Variants in PRKG1 observed in about 807,000 individuals in gnomAD.
The protein encoded by PRKG1 is protein kinase cGMP-dependent 1.
Under a neutral mutation model 88.1 loss-of-function variants are expected in PRKG1, and 35 were observed. The ratio of observed to expected loss-of-function variants is 0.40; its 90% confidence interval spans 0.30 to 0.53. PRKG1 has a LOEUF of 0.53. Ranked by LOEUF, PRKG1 falls within the 20% of genes least tolerant of loss-of-function variation. PRKG1 has a pLI of 0.59. For missense variants in PRKG1, 540 were observed against 839.8 expected (o/e 0.64, Z 4.41); for synonymous variants, 303 against 292.5 (o/e 1.04, Z -0.37).
chr10:51,081,144 TC>T (rs1328290911), intron 1 of PRKG1, among the ~76,000 whole-genome samples: 1 of 152,150 alleles, frequency 6.6e-6, no homozygotes, highest in African/African-American at 2.4e-5. Flanking sequence ...TAGGGGAGAC[TC>T]CATATCTTGT....
At chr10:51,544,627 C>T (rs1842400994) in intron 3 of PRKG1, among the ~76,000 whole-genome samples, 1 of 152,102 alleles carries the variant, frequency 6.6e-6, no homozygotes, top group Non-Finnish European at 1.5e-5. Context: ...TCAGGAATTG[C>T]CACACTGTCT....
chr10:51,151,299 G>A (rs569870025), intron 1 of PRKG1, among the ~76,000 whole-genome samples: 1 of 152,102 alleles, frequency 6.6e-6, no homozygotes, highest in Non-Finnish European at 1.5e-5. Context: ...CTTGAGACCA[G>A]GAGTGGTGAA....
intron 1 of PRKG1, among the ~76,000 whole-genome samples, chr10:51,147,345 T>C (rs1224802576): frequency 6.6e-6 from 1 of 152,142 alleles, no homozygotes; most frequent in African/African-American, 2.4e-5. Context: ...ATAATTACCC[T>C]GACTTGATCA....
chr10:52,152,711 G>A (rs1837968779), intron 8 of PRKG1, among the ~76,000 whole-genome samples: 1 of 152,178 alleles, frequency 6.6e-6, no homozygotes, highest in Admixed American at 6.6e-5. Flanking sequence ...TGCTTACTGT[G>A]TAAGGATGAG....
chr10:51,593,261 T>A (rs1838357513), intron 3 of PRKG1, among the ~76,000 whole-genome samples: 1 of 152,188 alleles, frequency 6.6e-6, no homozygotes, highest in South Asian at 2.1e-4. Flanking sequence ...TATATTGTCT[T>A]CAAGAGAAAT....
At chr10:52,128,065 A>T in intron 7 of PRKG1, 1 of 985,164 alleles carries the variant, frequency 1.0e-6, no homozygotes, top group African/African-American at 1.7e-5. Flanking sequence ...TTGTAGTAAG[A>T]TTGCTTTTGA....
chr10:51,650,786 G>A (rs1293675271), intron 3 of PRKG1, among the ~76,000 whole-genome samples: 1 of 152,026 alleles, frequency 6.6e-6, no homozygotes, highest in Non-Finnish European at 1.5e-5. Flanking sequence ...GCTTTCATTA[G>A]CACTTCCCTG....
intron 12 of PRKG1, among the ~76,000 whole-genome samples, chr10:52,276,042 G>A (rs1841865083): frequency 6.6e-6 from 1 of 152,146 alleles, no homozygotes; most frequent in Non-Finnish European, 1.5e-5. Context: ...CTTGTATCCA[G>A]AAACTTTGCT....
At chr10:51,830,011 G>C (rs1324693955) in intron 4 of PRKG1, among the ~76,000 whole-genome samples, 5 of 152,112 alleles carry the variant, frequency 3.3e-5, no homozygotes, top group African/African-American at 7.2e-5. Flanking sequence ...TATTTCTATA[G>C]TTATGGTACC....
chr10:51,566,246 A>G (rs567164272), intron 3 of PRKG1, among the ~76,000 whole-genome samples: 1 of 152,214 alleles, frequency 6.6e-6, no homozygotes, highest in Non-Finnish European at 1.5e-5. Context: ...AGAACAGAAC[A>G]TAGAGACTAC....
intron 2 of PRKG1, among the ~76,000 whole-genome samples, chr10:51,180,098 C>G (rs1238353539): frequency 6.6e-6 from 1 of 152,204 alleles, no homozygotes; most frequent in Non-Finnish European, 1.5e-5. Context: ...GTGTTATAGT[C>G]TCCCCTCTGC....
intron 5 of PRKG1, among the ~76,000 whole-genome samples, chr10:51,985,394 AT>A (rs1264833694): frequency 3.3e-5 from 5 of 152,156 alleles, no homozygotes; most frequent in Non-Finnish European, 5.9e-5. Flanking sequence ...TGTATATGTT[AT>A]TAATTTAAGT....
At chr10:51,939,340 G>A (rs1452375607) in intron 5 of PRKG1, among the ~76,000 whole-genome samples, 1 of 151,896 alleles carries the variant, frequency 6.6e-6, no homozygotes, top group Admixed American at 6.6e-5. Context: ...CTGCCTTGTT[G>A]TGATTGGTAC....
chr10:51,139,114 C>A (rs1382068099), intron 1 of PRKG1, among the ~76,000 whole-genome samples: 1 of 152,166 alleles, frequency 6.6e-6, no homozygotes, highest in African/African-American at 2.4e-5. Context: ...AAGAGCATAG[C>A]AGTAAGTCTT....
intron 5 of PRKG1, among the ~76,000 whole-genome samples, chr10:51,940,705 CT>C (rs1842888676): frequency 6.6e-6 from 1 of 151,754 alleles, no homozygotes; most frequent in African/African-American, 2.4e-5. Context: ...TTTTTGGGAC[CT>C]TCAAGCACCA....
intron 3 of PRKG1, among the ~76,000 whole-genome samples, chr10:51,710,904 AG>A (rs1841730507): frequency 6.6e-6 from 1 of 152,080 alleles, no homozygotes; most frequent in African/African-American, 2.4e-5. Context: ...TCCCTATGTT[AG>A]CCAGGGTCTC....
chr10:51,604,808 A>C (rs184120008), intron 3 of PRKG1, among the ~76,000 whole-genome samples: 1 of 152,334 alleles, frequency 6.6e-6, no homozygotes, highest in Admixed American at 6.5e-5. Flanking sequence ...GGACTCCCAA[A>C]GCCCAAGTGG....
chr10:51,054,827 A>T (rs1043826752), intron 1 of PRKG1, among the ~76,000 whole-genome samples: 1 of 152,168 alleles, frequency 6.6e-6, no homozygotes, highest in African/African-American at 2.4e-5. Flanking sequence ...AATCATTTTC[A>T]GTTTTCTCAC....
chr10:51,471,774 T>A (rs549208787), intron 3 of PRKG1, among the ~76,000 whole-genome samples: 1 of 152,002 alleles, frequency 6.6e-6, no homozygotes, highest in South Asian at 2.1e-4. Context: ...TCATGTACTA[T>A]TCAAATGGTC....
Sources: allele counts gnomAD v4.1 joint callset (sites outside exome capture counted in the v4.1 genomes callset), GRCh38; gene constraint gnomAD v4.1.1; transcripts MANE v1.5; gene names NCBI Gene and HGNC (gene_info 2026-07-23, HGNC 2026-07-21).